The following TMEM260 variants were observed in gnomAD, a reference collection of about 807,000 sequenced individuals.
The protein encoded by TMEM260 is protein O-mannosyl-transferase TMEM260.
A neutral mutation model predicts 88.9 loss-of-function variants in TMEM260; 82 were observed. The ratio of observed to expected loss-of-function variants is 0.92; its 90% CI spans 0.77 to 1.11. The LOEUF (loss-of-function observed/expected upper bound fraction) is 1.11. TMEM260 is among the 50% of genes least tolerant of loss of function. TMEM260 has a pLI of 0.00. For synonymous variants in TMEM260, 314 were observed against 309.3 expected (o/e 1.02, Z -0.16); for missense variants, 902 against 853.4 (o/e 1.06, Z -0.71).
intron 3 of TMEM260, among the ~76,000 whole-genome samples, chr14:56,592,827 AG>A (rs1333153125): frequency 6.6e-6 from 1 of 152,226 alleles, no homozygotes; most frequent in Non-Finnish European, 1.5e-5. Context: ...AGGAATTCTC[AG>A]TACACTCAGT....
Position 56,635,083 on chromosome 14 carries a change from T to C in TMEM260, c.1778+131T>C. ...ATAGCATTTATGAGCAATTATGTTT[T>C]TGAGGCACTGTACTAATCATTATAC... On this transcript the variant is annotated intron_variant, in intron 14 of 15. Transcript: ENST00000261556. The C allele has an allele frequency of 3.9e-6, 3 of 772,738 alleles. No individual in the cohort carries two copies. In the South Asian group the frequency reaches 4.8e-5, roughly 12 times the overall value. The allele number at this position is 772,738 out of a possible 1,614,324, so 47.9% of individuals were successfully genotyped here.
At chr14:56,628,480 A>G (rs1888373474) in intron 12 of TMEM260, among the ~76,000 whole-genome samples, 1 of 152,184 alleles carries the variant, frequency 6.6e-6, no homozygotes, top group South Asian at 2.1e-4. Flanking sequence ...GCCTAATGCC[A>G]GATCACAAAG....
chr14:56,637,294 A>G (rs1889177561), intron 15 of TMEM260, among the ~76,000 whole-genome samples: 1 of 152,220 alleles, frequency 6.6e-6, no homozygotes, highest in Non-Finnish European at 1.5e-5. Context: ...GACCCTGGCT[A>G]CACTTGAAAT....
In TMEM260 at chr14:56,647,245, T is replaced by C. The variant is rs140403712; in HGVS notation, c.1872T>C (p.Leu624=). ...CCAACATTTCTGCTGTTTTCTAGCT[T>C]TATAAGGAGATTGTCTATTTACAAA... ...KAQLYAQAYD[L]YKEIVYLQKE... Residue 624 remains leucine (L), a splice_region_variant and synonymous_variant, in exon 16 of 16, where the codon CTT becomes CTC. Transcript: ENST00000261556. 30 of 1,610,996 alleles carry C rather than the reference T, an allele frequency of 1.9e-5. No homozygotes were observed. Among genetic ancestry groups the C allele is most frequent in the African/African-American group, 2.7e-5 (2 of 74,742 alleles).
chr14:56,580,911 A>T (rs1271115917), intron 1 of TMEM260, among the ~76,000 whole-genome samples: 2 of 152,174 alleles, frequency 1.3e-5, no homozygotes, highest in African/African-American at 4.8e-5. Flanking sequence ...ATGACTAGTG[A>T]TCCCCAAATT....
chr14:56,597,118 A>C (rs1213796873), intron 3 of TMEM260, among the ~76,000 whole-genome samples: 2 of 152,208 alleles, frequency 1.3e-5, no homozygotes, highest in African/African-American at 4.8e-5. Context: ...ACTGAGTTGT[A>C]AACAGTTACG....
At position 56,610,967 on chromosome 14, in the gene TMEM260, C is replaced by CTTTT. The variant is rs61185871; in HGVS notation, c.817-1264_817-1261dup. Reference sequence around the variant, plus strand: ...TATTCTTTTCTTTCTTTCTTTCTTTCTTTTTTTTTTTTTTTTTGAGACAGA... The same window carrying CTTTT: ...TATTCTTTTCTTTCTTTCTTTCTTTCTTTTTTTTTTTTTTTTTTTTTGAGACAGA... On this transcript the variant is annotated intron_variant, in intron 6 of 15. Coordinates refer to ENST00000261556, the MANE Select transcript of TMEM260 (RefSeq NM_017799.4). Among the ~76,000 whole-genome samples the CTTTT allele has an allele frequency of 7.4e-3, 878 of 117,896 alleles. 6 individuals carry two copies. The highest frequency in any genetic ancestry group is 0.012 in the South Asian group (42 of 3,586). 77.3% of individuals were successfully genotyped at this position (117,896 alleles called of 152,430 possible).
chr14:56,612,266 A>C lies in TMEM260; in HGVS notation c.838A>C (p.Ser280Arg), dbSNP rs760102891. Residue 280 changes from serine to arginine, a missense_variant, in exon 7 of 16, where the codon AGT becomes CGT. Transcript: ENST00000261556. ...TTAGGCCAAATCTGAAATAGGATCC[A>C]GTATGTCTGAAATACTGCTGTGAGT... ...FSLAKSEIGS[S>R]MSEILLSQVT... The C allele has an allele frequency of 1.2e-6, 2 of 1,613,624 alleles. No homozygotes were observed. The highest frequency in any genetic ancestry group is 8.5e-7 in the Non-Finnish European group (1 of 1,179,626).
At chr14:56,658,358 G>A in the TMEM260 span, among the ~76,000 whole-genome samples, 1 of 151,508 alleles carries the variant, frequency 6.6e-6, no homozygotes, top group Admixed American at 6.6e-5. Flanking sequence ...AGTGATTCTT[G>A]TGCCTCAGCC....
At chr14:56,612,393 A>C in intron 7 of TMEM260, 108 bp downstream of exon 7, 1 of 962,354 alleles carries the variant, frequency 1.0e-6, no homozygotes, top group Middle Eastern at 3.1e-4. Context: ...TATGTCTGAG[A>C]AGTAGTTGTT....
chr14:56,603,365 C>T (rs537618229), intron 3 of TMEM260, among the ~76,000 whole-genome samples: 2 of 152,158 alleles, frequency 1.3e-5, no homozygotes, highest in Admixed American at 6.5e-5. Flanking sequence ...TAGAAGGTAC[C>T]TAGGTCCAAA....
In TMEM260 at chr14:56,647,526, C is replaced by T. The variant is rs924649695; in HGVS notation, c.*29C>T. 3.0e-5 allele frequency: 46 copies of T among 1,550,076 alleles called. 1 individual carries two copies. In the Middle Eastern group the frequency reaches 5.2e-3, roughly 177 times the overall value. On this transcript the variant is annotated 3_prime_UTR_variant, in exon 16 of 16. Coordinates refer to ENST00000261556, the MANE Select transcript of TMEM260 (RefSeq NM_017799.4). Reference sequence around the variant, plus strand: ...AGCAAAATATGAAAAACCTGCTCATCGTTCAGCTTCCAAAATTCTGAAGTC... The same window carrying T: ...AGCAAAATATGAAAAACCTGCTCATTGTTCAGCTTCCAAAATTCTGAAGTC...
chr14:56,624,430 C>T (rs748105374), intron 11 of TMEM260, among the ~76,000 whole-genome samples: 3 of 151,998 alleles, frequency 2.0e-5, no homozygotes, highest in Non-Finnish European at 2.9e-5. Flanking sequence ...AAAAATTATT[C>T]TGGTGTAGTG....
At chr14:56,621,466 G>A (rs1887911789) in intron 10 of TMEM260, 65 bp from the exon 11 acceptor site, 2 of 1,244,980 alleles carry the variant, frequency 1.6e-6, no homozygotes, top group Non-Finnish European at 2.2e-6. Context: ...TAGAAAATAA[G>A]CCTAGTCTTA....
intron 1 of TMEM260, among the ~76,000 whole-genome samples, chr14:56,581,533 T>TA (rs894813264): frequency 6.6e-5 from 10 of 152,116 alleles, no homozygotes; most frequent in African/African-American, 1.9e-4. Flanking sequence ...CTGTTACTTG[T>TA]AAAAAAATAA....
chr14:56,654,711 G>C (rs1890268409), downstream of TMEM260, among the ~76,000 whole-genome samples: 1 of 150,574 alleles, frequency 6.6e-6, no homozygotes, highest in East Asian at 2.0e-4. Context: ...CTACTTGGGA[G>C]GCTGAGGCAG....
At chr14:56,645,589 C>G (rs1889912772) in intron 15 of TMEM260, among the ~76,000 whole-genome samples, 1 of 152,002 alleles carries the variant, frequency 6.6e-6, no homozygotes, top group Non-Finnish European at 1.5e-5. Flanking sequence ...CACATGTATA[C>G]ATATGTAACA....
chr14:56,657,787 C>T, the TMEM260 span, among the ~76,000 whole-genome samples: 1 of 152,192 alleles, frequency 6.6e-6, no homozygotes, highest in Admixed American at 6.5e-5. Flanking sequence ...TTTGCTGAAT[C>T]CACAAAGGGC....
Position 56,638,541 on chromosome 14 carries a change from C to T in TMEM260, c.1869+1943C>T, listed in dbSNP as rs1004932468. ...AAGCTCATTTGTGGATTTATTGTCC[C>T]TTTGGGTCAGAGAGCTCTGTTTTTT... On this transcript the variant is annotated intron_variant, in intron 15 of 15. Transcript: ENST00000261556. 8.6e-5 allele frequency among the ~76,000 whole-genome samples: 13 copies of T among 151,960 alleles called. 1 individual carries two copies. Among genetic ancestry groups the T allele is most frequent in the African/African-American group, 3.1e-4 (13 of 41,372 alleles).
Sources: gnomAD v4.1 joint callset for allele counts (sites outside exome capture counted in the v4.1 genomes callset) on GRCh38, gnomAD v4.1.1 for gene constraint, MANE v1.5 for transcripts, NCBI Gene and HGNC (gene_info 2026-07-23, HGNC 2026-07-21) for gene names.